The following MUC7 variants were observed in gnomAD, a reference collection of about 807,000 sequenced individuals.
MUC7 encodes mucin 7, secreted.
A neutral mutation model predicts 2.5 loss-of-function variants in MUC7; 2 were observed. The observed-to-expected ratio is 0.81, with a 90% CI of 0.33 to 2.55. The LOEUF is 2.55. MUC7 is among the 30% of genes most tolerant of loss of function. The pLI, the probability that MUC7 is intolerant of heterozygous loss-of-function variation, is 0.11. For missense variants in MUC7, 408 were observed against 455.6 expected (o/e 0.90, Z 0.95); for synonymous variants, 133 against 173.4 (o/e 0.77, Z 1.83).
intron 2 of MUC7, among the ~76,000 whole-genome samples, chr4:70,478,025 A>C (rs924467443): frequency 6.6e-6 from 1 of 151,206 alleles, no homozygotes; most frequent in Admixed American, 6.6e-5. Flanking sequence ...CTAGTCTACA[A>C]TTTCTGTTAT....
chr4:70,463,307 A>G (rs1166558215), intron 1 of MUC7, among the ~76,000 whole-genome samples: 1 of 152,252 alleles, frequency 6.6e-6, no homozygotes, highest in East Asian at 1.9e-4. Flanking sequence ...AGAAATTAGC[A>G]TAAGACAATC....
upstream of MUC7, among the ~76,000 whole-genome samples, chr4:70,470,570 A>G (rs979747972): frequency 1.3e-5 from 2 of 152,172 alleles, no homozygotes; most frequent in African/African-American, 4.8e-5. Context: ...ACTGAGGATA[A>G]TTAGACAATT....
At chr4:70,454,368 T>C (rs537809647) in intron 1 of MUC7, among the ~76,000 whole-genome samples, 1 of 152,354 alleles carries the variant, frequency 6.6e-6, no homozygotes, top group Admixed American at 6.5e-5. Context: ...GGTCTCATTT[T>C]CCTTCTGTGG....
intron 1 of MUC7, among the ~76,000 whole-genome samples, chr4:70,464,698 T>G (rs565216219): frequency 6.6e-6 from 1 of 152,194 alleles, no homozygotes; most frequent in Admixed American, 6.5e-5. Flanking sequence ...CCTGTCTAGA[T>G]TCCTCCTCTC....
At chr4:70,480,697 C>A in intron 2 of MUC7, 102 bp from the exon 3 acceptor site, 1 of 1,234,172 alleles carries the variant, frequency 8.1e-7, no homozygotes, top group Non-Finnish European at 1.1e-6. Flanking sequence ...GGTTTCTAAT[C>A]CCAGCATTCC....
At position 70,482,044 on chromosome 4, in the gene MUC7, A is replaced by G; in HGVS notation, c.*166A>G. 1 of 876,808 alleles carries G rather than the reference A, an allele frequency of 1.1e-6. No individual in the cohort carries two copies. The highest frequency in any genetic ancestry group is 1.7e-6 in the Non-Finnish European group (1 of 592,816). The allele number at this position is 876,808 out of a possible 1,614,324, so 54.3% of individuals were successfully genotyped here. ...ATTATTCACCACCACAAGACCTATTAACAAGACAAAATGCCTCTATCCCAC... is the reference window on the plus strand; with the variant it reads ...ATTATTCACCACCACAAGACCTATTGACAAGACAAAATGCCTCTATCCCAC... On this transcript the variant is annotated 3_prime_UTR_variant, in exon 3 of 3. Coordinates refer to ENST00000304887, the MANE Select transcript of MUC7 (RefSeq NM_152291.3).
At chr4:70,467,724 C>T (rs918730846), upstream of MUC7, among the ~76,000 whole-genome samples, 2 of 152,038 alleles carry the variant, frequency 1.3e-5, no homozygotes, top group East Asian at 1.9e-4. Flanking sequence ...AAATTGAATC[C>T]CTGAATAGAC....
At chr4:70,436,913 C>A (rs1291164430) in intron 1 of MUC7, among the ~76,000 whole-genome samples, 7 of 152,114 alleles carry the variant, frequency 4.6e-5, no homozygotes, top group African/African-American at 1.7e-4. Flanking sequence ...GATGTTGATG[C>A]TATTTCTTTC....
chr4:70,463,827 G>A (rs1307999061), intron 1 of MUC7, among the ~76,000 whole-genome samples: 4 of 152,128 alleles, frequency 2.6e-5, no homozygotes, highest in Non-Finnish European at 4.4e-5. Context: ...CTGTGTCCTC[G>A]CCAAACACCA....
chr4:70,442,485 C>T (rs931586873), intron 1 of MUC7, among the ~76,000 whole-genome samples: 1 of 151,876 alleles, frequency 6.6e-6, no homozygotes, highest in Non-Finnish European at 1.5e-5. Flanking sequence ...AATGTGTATA[C>T]TCCAGGCCAA....
intron 1 of MUC7, among the ~76,000 whole-genome samples, chr4:70,437,749 A>C (rs2109701441): frequency 6.6e-6 from 1 of 151,904 alleles, no homozygotes; most frequent in South Asian, 2.1e-4. Context: ...AACCAGTCCC[A>C]ATGAGATGGA....
At chr4:70,478,678 C>T (rs1388719041) in intron 2 of MUC7, among the ~76,000 whole-genome samples, 2 of 152,066 alleles carry the variant, frequency 1.3e-5, no homozygotes, top group East Asian at 1.9e-4. Context: ...AGGGAAAGAC[C>T]GAGATCATGG....
chr4:70,449,648 A>G (rs1734231681), intron 1 of MUC7, among the ~76,000 whole-genome samples: 1 of 152,138 alleles, frequency 6.6e-6, no homozygotes, highest in African/African-American at 2.4e-5. Flanking sequence ...TCTAAGGTGC[A>G]TATGCTTTAG....
intron 2 of MUC7, among the ~76,000 whole-genome samples, chr4:70,478,306 T>A (rs1318431132): frequency 6.6e-6 from 1 of 152,198 alleles, no homozygotes. Context: ...CATTTACTCA[T>A]TCAATTAATA....
rs552013937 is a variant in MUC7 at position 70,465,641 on chromosome 4, G to A, written c.-92-6574G>A. 5.3e-5 allele frequency among the ~76,000 whole-genome samples: 8 copies of A among 152,128 alleles called. No individual in the cohort carries two copies. The South Asian group carries it at 1.7e-3, about 32-fold the overall frequency. On this transcript the variant is annotated intron_variant, in intron 1 of 3. Transcript: ENST00000413702. ...GCCAAATCGATCAAGCAAAAGAAAGGATATCAGAGATTGAAGATCAACTTA... is the reference window on the plus strand; with the variant it reads ...GCCAAATCGATCAAGCAAAAGAAAGAATATCAGAGATTGAAGATCAACTTA...
intron 1 of MUC7, among the ~76,000 whole-genome samples, chr4:70,460,387 T>C (rs1210139136): frequency 6.6e-6 from 1 of 152,102 alleles, no homozygotes; most frequent in African/African-American, 2.4e-5. Flanking sequence ...TAGCCAAATA[T>C]TAAGTGAGAA....
intron 1 of MUC7, among the ~76,000 whole-genome samples, chr4:70,431,916 G>C (rs2109783496): frequency 6.6e-6 from 1 of 152,052 alleles, no homozygotes; most frequent in African/African-American, 2.4e-5. Context: ...CCCCACGACA[G>C]GCCCCGGTGT....
chr4:70,480,716 C>A, intron 2 of MUC7, 83 bp from the exon 3 acceptor site: 1 of 1,377,942 alleles, frequency 7.3e-7, no homozygotes, highest in Non-Finnish European at 9.9e-7. Flanking sequence ...CCACAAATAC[C>A]GCTCATCTCA....
At chr4:70,435,381 T>C (rs1457490812) in intron 1 of MUC7, among the ~76,000 whole-genome samples, 2 of 152,240 alleles carry the variant, frequency 1.3e-5, no homozygotes, top group African/African-American at 4.8e-5. Flanking sequence ...TGAATCTGGA[T>C]GCTCCTGTAT....
Sources: allele counts gnomAD v4.1 joint callset (sites outside exome capture counted in the v4.1 genomes callset), GRCh38; gene constraint gnomAD v4.1.1; transcripts MANE v1.5; gene names NCBI Gene and HGNC (gene_info 2026-07-23, HGNC 2026-07-21).